IL1RAPL2: variants seen among roughly 807,000 people sequenced by gnomAD.
IL1RAPL2 encodes interleukin 1 receptor accessory protein like 2.
In IL1RAPL2, 3 loss-of-function variants were observed where a neutral mutation model predicts 44.1. The observed-to-expected ratio is 0.07, with a 90% CI of 0.03 to 0.18. The LOEUF (loss-of-function observed/expected upper bound fraction) is 0.18. Ranked by LOEUF, IL1RAPL2 falls within the 10% of genes least tolerant of loss-of-function variation. The pLI is 1.00. For synonymous variants in IL1RAPL2, 181 were observed against 178.8 expected, an observed-to-expected ratio of 1.01 and a Z score of -0.10; for missense variants, 391 against 496.4, an observed-to-expected ratio of 0.79 and a Z score of 2.02.
intron 2 of IL1RAPL2, among the ~76,000 whole-genome samples, chrX:104,908,820 C>T (rs1924127576): frequency 9.2e-6 from 1 of 108,819 alleles, no homozygotes; most frequent in South Asian, 4.1e-4. Flanking sequence ...TTGTGGCGTT[C>T]ACTGTATTTC....
chrX:105,534,321 T>C (rs1047110208), intron 6 of IL1RAPL2, among the ~76,000 whole-genome samples: 3 of 111,946 alleles, frequency 2.7e-5, no homozygotes, highest in Admixed American at 9.5e-5. Flanking sequence ...TAATACTTAG[T>C]AATTGATAGC....
At position 105,407,891 on chromosome X, in the gene IL1RAPL2, TA is replaced by T. The variant is rs200825247; in HGVS notation, c.698-76421del. 5.0e-3 allele frequency among the ~76,000 whole-genome samples: 563 copies of T among 112,244 alleles called. 5 individuals carry two copies. Among genetic ancestry groups the T allele is most frequent in the African/African-American group, 0.017 (534 of 30,913 alleles). ...TTACACTATTAGCTTAGTTTTCTCA[TA>T]CAATCATCACAAGCATAGGAAGATA... On this transcript the variant is annotated intron_variant, in intron 5 of 10. Coordinates refer to ENST00000372582, the MANE Select transcript of IL1RAPL2 (RefSeq NM_017416.2).
intron 2 of IL1RAPL2, among the ~76,000 whole-genome samples, chrX:104,834,114 A>G (rs914710317): frequency 9.0e-6 from 1 of 111,383 alleles, no homozygotes; most frequent in East Asian, 2.8e-4. Context: ...CAGCCTGACC[A>G]CTCCCTAATG....
At chrX:105,423,824 C>G (rs1452692846) in intron 5 of IL1RAPL2, among the ~76,000 whole-genome samples, 1 of 106,950 alleles carries the variant, frequency 9.4e-6, no homozygotes, top group East Asian at 2.9e-4. Flanking sequence ...TACCTTCCAT[C>G]ATCATGGAAA....
chrX:105,623,153 C>T (rs770396859), intron 6 of IL1RAPL2, among the ~76,000 whole-genome samples: 22 of 110,119 alleles, frequency 2.0e-4, no homozygotes, highest in Non-Finnish European at 3.8e-4. Flanking sequence ...TAATAACAGT[C>T]CTATGAGGTA....
intron 5 of IL1RAPL2, among the ~76,000 whole-genome samples, chrX:105,313,245 A>G (rs2147682584): frequency 8.9e-6 from 1 of 112,125 alleles, no homozygotes; most frequent in South Asian, 3.7e-4. Flanking sequence ...GGAAGATTTC[A>G]AAGATCTTGC....
intron 5 of IL1RAPL2, among the ~76,000 whole-genome samples, chrX:105,397,340 G>A (rs2035571279): frequency 9.0e-6 from 1 of 111,128 alleles, no homozygotes; most frequent in South Asian, 3.8e-4. Context: ...GTGCCAAAAA[G>A]GTTGGGGTCA....
At chrX:105,520,923 CTTTTTTTTTTTT>C (rs1172515228) in intron 6 of IL1RAPL2, among the ~76,000 whole-genome samples, 3 of 52,360 alleles carry the variant, frequency 5.7e-5, no homozygotes, top group South Asian at 1.2e-3. Flanking sequence ...TTCTTTCTTT[CTTTTTTTTTTTT>C]TTTTTTTTTT....
intron 2 of IL1RAPL2, among the ~76,000 whole-genome samples, chrX:105,083,515 A>G (rs1299759741): frequency 1.8e-5 from 2 of 111,242 alleles, no homozygotes; most frequent in East Asian, 2.8e-4. Flanking sequence ...ACACATAATT[A>G]TCAGATTCCC....
chrX:105,076,790 T>C (rs1292131481), intron 2 of IL1RAPL2, among the ~76,000 whole-genome samples: 2 of 111,664 alleles, frequency 1.8e-5, no homozygotes, highest in Non-Finnish European at 3.8e-5. Context: ...CCCTTTACCA[T>C]TATGTAATGG....
chrX:105,034,240 C>T (rs1306077892), intron 2 of IL1RAPL2, among the ~76,000 whole-genome samples: 1 of 112,382 alleles, frequency 8.9e-6, no homozygotes, highest in Non-Finnish European at 1.9e-5. Flanking sequence ...AGTCATTCTC[C>T]ATCCAGCTTT....
rs3764765 is a variant in IL1RAPL2 at position 105,748,970 on chromosome X, T to C, written c.1059T>C (p.Tyr353=). ...SVLLRKKDLI[Y]KIELAGGLGA... The stretch of plus-strand genomic sequence containing the variant: ...TTCTGTTCGCTCCAGATTTAATCTA[T>C]AAAATTGAGCTTGCAGGGGGCCTGG... The change falls in exon 9 of 11, where the codon TAT becomes TAC. Residue 353 remains tyrosine (Y), a synonymous_variant. Transcript: ENST00000372582. 0.11 allele frequency: 138,631 copies of C among 1,207,281 alleles called. 6,400 individuals carry two copies. The highest frequency in any genetic ancestry group is 0.32 in the South Asian group (17,859 of 56,477).
intron 2 of IL1RAPL2, among the ~76,000 whole-genome samples, chrX:104,848,923 G>T (rs1452985414): frequency 9.0e-6 from 1 of 110,719 alleles, no homozygotes; most frequent in Non-Finnish European, 1.9e-5. Context: ...TAATTAATGA[G>T]TGTTTAATAT....
chrX:104,708,630 C>T lies in IL1RAPL2; in HGVS notation c.82+49635C>T, dbSNP rs140567187. On this transcript the variant is annotated intron_variant, in intron 2 of 10. Coordinates refer to ENST00000372582, the MANE Select transcript of IL1RAPL2 (RefSeq NM_017416.2). ...AAATACATTTATTTACTAGATATTG[C>T]ATCAATTTGTTCCCTGCATAACACA... Among the ~76,000 whole-genome samples the T allele has an allele frequency of 7.3e-3, 811 of 111,227 alleles. 13 individuals carry two copies. The highest frequency in any genetic ancestry group is 0.025 in the African/African-American group (768 of 30,666).
chrX:105,333,587 A>G (rs2035004423), intron 5 of IL1RAPL2, among the ~76,000 whole-genome samples: 1 of 111,494 alleles, frequency 9.0e-6, no homozygotes, highest in African/African-American at 3.3e-5. Context: ...AACCCACAGA[A>G]TGGGAGGAAA....
intron 2 of IL1RAPL2, among the ~76,000 whole-genome samples, chrX:104,974,511 G>A (rs891278169): frequency 1.8e-5 from 2 of 112,089 alleles, no homozygotes; most frequent in Non-Finnish European, 3.8e-5. Context: ...CTGGATTCAA[G>A]TTATTTACAA....
intron 9 of IL1RAPL2, among the ~76,000 whole-genome samples, chrX:105,752,255 G>C (rs1017009430): frequency 8.9e-6 from 1 of 111,845 alleles, no homozygotes; most frequent in African/African-American, 3.2e-5. Context: ...TAATCAACAA[G>C]ATTACACAGT....
chrX:105,670,456 C>T (rs1228543560), intron 6 of IL1RAPL2, among the ~76,000 whole-genome samples: 1 of 105,285 alleles, frequency 9.5e-6, no homozygotes, highest in Admixed American at 1.0e-4. Flanking sequence ...CCCGCCACCG[C>T]GCCTGGCAAA....
intron 6 of IL1RAPL2, among the ~76,000 whole-genome samples, chrX:105,522,831 G>A (rs1269253060): frequency 9.0e-6 from 1 of 111,625 alleles, no homozygotes; most frequent in African/African-American, 3.3e-5. Flanking sequence ...TCAATAATCA[G>A]TATCCTGTTT....
Sources: allele counts gnomAD v4.1 joint callset (sites outside exome capture counted in the v4.1 genomes callset), GRCh38; gene constraint gnomAD v4.1.1; transcripts MANE v1.5; gene names NCBI Gene and HGNC (gene_info 2026-07-23, HGNC 2026-07-21).